CTIF: variants seen among roughly 807,000 people sequenced by gnomAD.
CTIF encodes cap binding complex dependent translation initiation factor.
A neutral mutation model predicts 66.0 loss-of-function variants in CTIF; 21 were observed. That is an observed-to-expected ratio of 0.32 (90% CI 0.23 to 0.46). CTIF has a LOEUF of 0.46. Ranked by LOEUF, CTIF falls within the 20% of genes least tolerant of loss-of-function variation. CTIF has a pLI of 1.00. For missense variants in CTIF, 739 were observed against 812.7 expected, an observed-to-expected ratio of 0.91 and a Z score of 1.10; for synonymous variants, 345 against 326.4, an observed-to-expected ratio of 1.06 and a Z score of -0.62.
At chr18:48,706,800 G>T (rs1026465271) in intron 6 of CTIF, among the ~76,000 whole-genome samples, 1 of 152,194 alleles carries the variant, frequency 6.6e-6, no homozygotes, top group African/African-American at 2.4e-5. Flanking sequence ...TGTTCCACGT[G>T]TACTCTGCCG....
intron 7 of CTIF, among the ~76,000 whole-genome samples, chr18:48,750,515 AAAAC>A (rs1907696089): frequency 6.6e-6 from 1 of 152,242 alleles, no homozygotes; most frequent in Admixed American, 6.5e-5. Flanking sequence ...GGCCACCCGA[AAAAC>A]AATCCCCGAG....
At chr18:48,662,090 C>T (rs776803002) in intron 3 of CTIF, 2 of 152,284 alleles carry the variant, frequency 1.3e-5, no homozygotes, top group Non-Finnish European at 2.9e-5. Context: ...ATAGCAAGTT[C>T]AGGGCAGAGC....
At position 48,772,354 on chromosome 18, in the gene CTIF, T is replaced by A. The variant is rs993627733; in HGVS notation, c.1371+10665T>A. Among the ~76,000 whole-genome samples, 11 of 152,238 alleles carry A rather than the reference T, an allele frequency of 7.2e-5. 2 individuals are homozygous for A. On this transcript the variant is annotated intron_variant, in intron 9 of 11. Transcript: ENST00000256413. ...ATAAAATTCACCATCTGAACTAGTT[T>A]TAAGTGCACAGTTCAGCAGTACCCC... is the stretch of plus-strand genomic sequence containing the variant.
At position 48,761,921 on chromosome 18, in the gene CTIF, A is replaced by G. The variant is rs1243069369; in HGVS notation, c.1371+232A>G. 6.6e-6 allele frequency among the ~76,000 whole-genome samples: 1 copy of G among 152,202 alleles called. No individual in the cohort carries two copies. Among genetic ancestry groups the G allele is most frequent in the East Asian group, 1.9e-4 (1 of 5,202 alleles). On this transcript the variant is annotated intron_variant, in intron 9 of 11. Transcript: ENST00000256413. This position sits in a 1 kb window ranked among gnomAD's most constrained non-coding sequence, Gnocchi z 4.2. ...GGTTACAATGGACCAATATAATTTTATAGGTGCTTTATGTTTAACCAGCCT... is the reference window on the plus strand; with the variant it reads ...GGTTACAATGGACCAATATAATTTTGTAGGTGCTTTATGTTTAACCAGCCT...
At chr18:48,570,058 C>T (rs1027225049) in intron 1 of CTIF, among the ~76,000 whole-genome samples, 3 of 152,312 alleles carry the variant, frequency 2.0e-5, no homozygotes, top group Non-Finnish European at 4.4e-5. Context: ...ACCAGAGCTG[C>T]AAACACGTGG....
At chr18:48,660,317 A>C (rs577978916) in intron 3 of CTIF, among the ~76,000 whole-genome samples, 28 of 151,964 alleles carry the variant, frequency 1.8e-4, no homozygotes, top group African/African-American at 6.3e-4. Flanking sequence ...CCGTGACTCC[A>C]CCACCTGCTC....
At chr18:48,644,540 T>A (rs2090991196) in intron 3 of CTIF, among the ~76,000 whole-genome samples, 1 of 152,218 alleles carries the variant, frequency 6.6e-6, no homozygotes, top group African/African-American at 2.4e-5. Flanking sequence ...ATCCTCAAAG[T>A]GCCTTCTGGC....
At chr18:48,623,285 G>A (rs894640216) in intron 2 of CTIF, among the ~76,000 whole-genome samples, 3 of 152,208 alleles carry the variant, frequency 2.0e-5, no homozygotes, top group African/African-American at 4.8e-5. Context: ...CAGACACCTG[G>A]CAGGATGCTG....
chr18:48,589,742 T>C (rs2089849072), intron 1 of CTIF, among the ~76,000 whole-genome samples: 1 of 152,170 alleles, frequency 6.6e-6, no homozygotes, highest in Admixed American at 6.5e-5. Context: ...AACATTTTGC[T>C]AGTCTTGGAT....
In CTIF at chr18:48,679,953, C is replaced by T. The variant is rs1392902321; in HGVS notation, c.507+9209C>T. Among the ~76,000 whole-genome samples, 6 of 151,978 alleles carry T rather than the reference C, an allele frequency of 3.9e-5. No individual in the cohort carries two copies. In the East Asian group the frequency reaches 5.8e-4, roughly 15 times the overall value. On this transcript the variant is annotated intron_variant, in intron 6 of 11. Transcript: ENST00000256413. The stretch of plus-strand genomic sequence containing the variant: ...GAGAGTGGGGGAGTCCAGGAGTCCT[C>T]GAGAGGGGAGACTGTATGTAGGGAG...
chr18:48,639,837 G>A (rs763923943), intron 3 of CTIF, among the ~76,000 whole-genome samples: 17 of 152,140 alleles, frequency 1.1e-4, no homozygotes, highest in Non-Finnish European at 2.4e-4. Context: ...TCATACCCAC[G>A]TCCATGCATC....
chr18:48,639,060 C>G (rs1046470340), intron 3 of CTIF, among the ~76,000 whole-genome samples: 5 of 152,200 alleles, frequency 3.3e-5, no homozygotes, highest in African/African-American at 9.6e-5. Context: ...CTGAGGGACA[C>G]CCCCTGCCAC....
At chr18:48,700,219 T>G (rs1034010905) in intron 6 of CTIF, among the ~76,000 whole-genome samples, 1 of 152,244 alleles carries the variant, frequency 6.6e-6, no homozygotes, top group East Asian at 1.9e-4. Context: ...GTACATGCTC[T>G]CTTTCTGCTA....
intron 5 of CTIF, 28 bp from the exon 6 acceptor site, chr18:48,670,641 C>T: frequency 6.2e-7 from 1 of 1,605,388 alleles, no homozygotes; most frequent in Non-Finnish European, 8.5e-7. Context: ...GCCATCTTTC[C>T]AATGCCTTTC....
intron 6 of CTIF, among the ~76,000 whole-genome samples, chr18:48,677,272 C>G (rs2091646756): frequency 6.6e-6 from 1 of 152,154 alleles, no homozygotes; most frequent in Non-Finnish European, 1.5e-5. Context: ...CCATGTCACC[C>G]GTGGTCCCAC....
intron 2 of CTIF, among the ~76,000 whole-genome samples, chr18:48,623,357 C>T (rs957001486): frequency 1.3e-5 from 2 of 152,332 alleles, no homozygotes; most frequent in Admixed American, 6.5e-5. Context: ...GCCCCTACCG[C>T]GCCCCTGCCT....
intron 1 of CTIF, among the ~76,000 whole-genome samples, chr18:48,593,742 T>C (rs2144019485): frequency 7.5e-6 from 1 of 132,750 alleles, no homozygotes; most frequent in Non-Finnish European, 1.6e-5. Flanking sequence ...GGGAGGTTTT[T>C]TGTTTGTTTT....
intron 1 of CTIF, among the ~76,000 whole-genome samples, chr18:48,574,057 G>T (rs946466187): frequency 3.9e-5 from 6 of 152,150 alleles, no homozygotes; most frequent in Non-Finnish European, 8.8e-5. Flanking sequence ...CATCTCACCA[G>T]GTCTCACCTC....
At chr18:48,842,991 T>C (rs2068982193) in intron 10 of CTIF, among the ~76,000 whole-genome samples, 1 of 152,206 alleles carries the variant, frequency 6.6e-6, no homozygotes, top group Non-Finnish European at 1.5e-5. Flanking sequence ...CCCCCTGCCC[T>C]ACCCTTCTGC....
Sources: allele counts gnomAD v4.1 joint callset (sites outside exome capture counted in the v4.1 genomes callset), GRCh38; gene constraint gnomAD v4.1.1; non-coding constraint Gnocchi (gnomAD v3.1); transcripts MANE v1.5; gene names NCBI Gene and HGNC (gene_info 2026-07-23, HGNC 2026-07-21).